EEFSEC: variants seen among roughly 807,000 people sequenced by gnomAD.
EEFSEC encodes the protein eukaryotic elongation factor, selenocysteine-tRNA specific.
Under a neutral mutation model 42.1 loss-of-function variants are expected in EEFSEC, and 43 were observed. The observed-to-expected ratio is 1.02, with a 90% CI of 0.80 to 1.32. The LOEUF (loss-of-function observed/expected upper bound fraction) is 1.32, where lower values mean the gene tolerates loss of function less well. Among genes scored for constraint, EEFSEC ranks in the 40% most tolerant of loss-of-function variants. EEFSEC has a pLI of 0.00. For missense variants in EEFSEC, 745 were observed against 803.6 expected, an observed-to-expected ratio of 0.93 and a Z score of 0.88; for synonymous variants, 354 against 339.1, an observed-to-expected ratio of 1.04 and a Z score of -0.48.
chr3:128,337,721 T>C (rs1296775844), intron 4 of EEFSEC, among the ~76,000 whole-genome samples: 1 of 152,190 alleles, frequency 6.6e-6, no homozygotes. Flanking sequence ...GAGAGCACAG[T>C]CCTTGTCTCG....
intron 1 of EEFSEC, among the ~76,000 whole-genome samples, chr3:128,218,731 C>T (rs1371177640): frequency 6.6e-6 from 1 of 152,180 alleles, no homozygotes; most frequent in Non-Finnish European, 1.5e-5. Flanking sequence ...GCTGGACAAG[C>T]AAGTGAATAA....
At chr3:128,273,578 A>G (rs929650716) in intron 4 of EEFSEC, among the ~76,000 whole-genome samples, 5 of 152,214 alleles carry the variant, frequency 3.3e-5, no homozygotes, top group Non-Finnish European at 1.5e-5. Context: ...TGCTACCAGC[A>G]TGTGCTTCCA....
chr3:128,243,416 T>C (rs1404731081), intron 1 of EEFSEC, among the ~76,000 whole-genome samples: 1 of 152,194 alleles, frequency 6.6e-6, no homozygotes, highest in African/African-American at 2.4e-5. Context: ...ATTCCCCTAC[T>C]GGATAGTTGA....
chr3:128,236,424 G>A (rs936204522), intron 1 of EEFSEC, among the ~76,000 whole-genome samples: 7 of 152,174 alleles, frequency 4.6e-5, no homozygotes, highest in African/African-American at 1.2e-4. Flanking sequence ...GGCGGGGGGC[G>A]GGGGTGGCGG....
At chr3:128,295,055 T>G (rs931572604) in intron 4 of EEFSEC, among the ~76,000 whole-genome samples, 2 of 152,200 alleles carry the variant, frequency 1.3e-5, no homozygotes, top group African/African-American at 4.8e-5. Context: ...CCATGTGTGG[T>G]GTTTGTCCGT....
intron 1 of EEFSEC, among the ~76,000 whole-genome samples, chr3:128,161,709 C>T (rs1324571950): frequency 6.6e-6 from 1 of 152,202 alleles, no homozygotes; most frequent in African/African-American, 2.4e-5. Context: ...GTGTTCTTGG[C>T]GCCCATGTGG....
At chr3:128,225,055 C>T (rs868869054) in intron 1 of EEFSEC, among the ~76,000 whole-genome samples, 4 of 152,242 alleles carry the variant, frequency 2.6e-5, no homozygotes, top group Admixed American at 2.6e-4. Flanking sequence ...CCTCAAGTTT[C>T]GCCCAAGATG....
chr3:128,202,123 A>C (rs1487243576), intron 1 of EEFSEC, among the ~76,000 whole-genome samples: 6 of 152,200 alleles, frequency 3.9e-5, no homozygotes, highest in Non-Finnish European at 1.5e-5. Flanking sequence ...AAGTAGTGTA[A>C]GTCCTCCAAC....
intron 1 of EEFSEC, among the ~76,000 whole-genome samples, chr3:128,232,890 C>G (rs2065972988): frequency 2.0e-5 from 3 of 152,350 alleles, no homozygotes; most frequent in Admixed American, 1.3e-4. Context: ...GCCATCACCC[C>G]CCGGACTCCT....
chr3:128,348,987 GAGGGAAAAGCACAAA>G (rs2067349855), intron 5 of EEFSEC, among the ~76,000 whole-genome samples: 1 of 152,218 alleles, frequency 6.6e-6, no homozygotes, highest in Admixed American at 6.5e-5. Flanking sequence ...GTAGGCTGGT[GAGGGAAAAGCACAAA>G]ATGGTGACCT....
At chr3:128,254,058 C>G (rs2066216626) in intron 2 of EEFSEC, among the ~76,000 whole-genome samples, 1 of 152,248 alleles carries the variant, frequency 6.6e-6, no homozygotes, top group Non-Finnish European at 1.5e-5. Context: ...TTAAGCTCCT[C>G]CCAACTGAGG....
At chr3:128,372,294 G>A (rs958833641) in intron 6 of EEFSEC, among the ~76,000 whole-genome samples, 1 of 152,184 alleles carries the variant, frequency 6.6e-6, no homozygotes, top group East Asian at 1.9e-4. Flanking sequence ...GCCGGCCCAT[G>A]TTCTATCGTG....
chr3:128,184,161 G>T (rs370308470), intron 1 of EEFSEC, among the ~76,000 whole-genome samples: 3 of 152,206 alleles, frequency 2.0e-5, no homozygotes, highest in African/African-American at 7.2e-5. Context: ...TTTCTTCCAA[G>T]TTAAAAAAAA....
chr3:128,399,608 C>A (rs539255641), intron 6 of EEFSEC, among the ~76,000 whole-genome samples: 16 of 152,038 alleles, frequency 1.1e-4, no homozygotes, highest in African/African-American at 3.9e-4. Flanking sequence ...CAGCCAGCGA[C>A]GTTAAAGGCT....
chr3:128,373,244 T>C (rs2067673704), intron 6 of EEFSEC, among the ~76,000 whole-genome samples: 1 of 151,974 alleles, frequency 6.6e-6, no homozygotes, highest in African/African-American at 2.4e-5. Context: ...GCCAGTGGAG[T>C]GTGGAGTTCC....
intron 1 of EEFSEC, among the ~76,000 whole-genome samples, chr3:128,181,990 T>G (rs2107791334): frequency 6.6e-6 from 1 of 152,310 alleles, no homozygotes; most frequent in African/African-American, 2.4e-5. Flanking sequence ...ATTTTTGTAT[T>G]TTTAGTAGAG....
intron 4 of EEFSEC, among the ~76,000 whole-genome samples, chr3:128,306,004 C>T (rs2066822163): frequency 6.6e-6 from 1 of 152,136 alleles, no homozygotes; most frequent in African/African-American, 2.4e-5. Flanking sequence ...TCTTTTGCAT[C>T]CTTCTTTAAC....
chr3:128,288,340 T>G (rs1313794274), intron 4 of EEFSEC, among the ~76,000 whole-genome samples: 1 of 152,198 alleles, frequency 6.6e-6, no homozygotes, highest in African/African-American at 2.4e-5. Flanking sequence ...TCCAGTGTCC[T>G]TTTCACTGTA....
intron 1 of EEFSEC, among the ~76,000 whole-genome samples, chr3:128,178,087 A>G (rs902002377): frequency 1.3e-5 from 2 of 152,244 alleles, no homozygotes; most frequent in African/African-American, 4.8e-5. Context: ...ATGTACCATA[A>G]TAAATGCAAG....
Sources: allele counts gnomAD v4.1 joint callset (sites outside exome capture counted in the v4.1 genomes callset), GRCh38; gene constraint gnomAD v4.1.1; transcripts MANE v1.5; gene names NCBI Gene and HGNC (gene_info 2026-07-23, HGNC 2026-07-21).